Variants in SPTLC2 observed in about 807,000 individuals in gnomAD.
SPTLC2 encodes the protein serine palmitoyltransferase 2.
Under a neutral mutation model 62.0 loss-of-function variants are expected in SPTLC2, and 21 were observed. The observed-to-expected ratio is 0.34, with a 90% CI of 0.24 to 0.49. The LOEUF is 0.49. Ranked by LOEUF, SPTLC2 falls within the 20% of genes least tolerant of loss-of-function variation. The pLI, the probability that SPTLC2 is intolerant of heterozygous loss-of-function variation, is 0.99. For synonymous variants in SPTLC2, 261 were observed against 261.8 expected, an observed-to-expected ratio of 1.00 and a Z score of 0.03; for missense variants, 511 against 713.0, an observed-to-expected ratio of 0.72 and a Z score of 3.23.
chr14:77,546,799 G>C lies in SPTLC2; in HGVS notation c.1303+5297C>G, dbSNP rs115803048. On this transcript the variant is annotated intron_variant, in intron 9 of 11. Coordinates refer to ENST00000216484, the MANE Select transcript of SPTLC2 (RefSeq NM_004863.4). ...TGCCCAGGTTGGAGTGTAATGGCGC[G>C]ATCTCAGCTCACCGCAACCTCCTGT... Among the ~76,000 whole-genome samples the C allele has an allele frequency of 3.8e-4, 57 of 151,776 alleles. 1 individual carries two copies. The highest frequency in any genetic ancestry group is 2.6e-4 in the Admixed American group (4 of 15,244).
chr14:77,523,120 G>A (rs1318159813), intron 9 of SPTLC2, among the ~76,000 whole-genome samples: 2 of 152,208 alleles, frequency 1.3e-5, no homozygotes, highest in Non-Finnish European at 1.5e-5. Context: ...ATTTAAGTAT[G>A]TTGGGAACTG....
intron 9 of SPTLC2, among the ~76,000 whole-genome samples, chr14:77,525,727 G>A (rs552879300): frequency 4.6e-5 from 7 of 152,216 alleles, no homozygotes; most frequent in Admixed American, 2.0e-4. Flanking sequence ...TGGCTAACAC[G>A]GTGAAACCCC....
chr14:77,613,551 G>T (rs973001457), intron 1 of SPTLC2, among the ~76,000 whole-genome samples: 5 of 152,146 alleles, frequency 3.3e-5, no homozygotes, highest in African/African-American at 1.2e-4. Flanking sequence ...CCAAATCCAA[G>T]AGTTGTTCTT....
At chr14:77,595,887 T>C (rs1299650170) in intron 2 of SPTLC2, among the ~76,000 whole-genome samples, 1 of 152,210 alleles carries the variant, frequency 6.6e-6, no homozygotes, top group Non-Finnish European at 1.5e-5. Flanking sequence ...GACAACCTTT[T>C]GCCATGTGGG....
chr14:77,613,774 T>C lies in SPTLC2; in HGVS notation c.132+2674A>G, dbSNP rs905699750. On this transcript the variant is annotated intron_variant, in intron 1 of 11. Coordinates refer to ENST00000216484, the MANE Select transcript of SPTLC2 (RefSeq NM_004863.4). The stretch of plus-strand genomic sequence containing the variant: ...TGTATGCGTATTTTTGATGGCACAG[T>C]TGGCAACATTTCCCCCCCAGAAAGA... Among the ~76,000 whole-genome samples the C allele has an allele frequency of 2.0e-5, 3 of 152,186 alleles. No homozygotes were observed. In the East Asian group the frequency reaches 5.8e-4, roughly 29 times the overall value.
rs777127495 is a variant in SPTLC2, at chr14:77,521,404, A to T, written c.1439+42T>A. 5.0e-6 allele frequency: 8 copies of T among 1,613,724 alleles called. No individual in the cohort carries two copies. The Admixed American group carries it at 8.3e-5, about 17-fold the overall frequency. ...AAGCCCTGGTCTCACATCACAGATA[A>T]GGATAAGGACAGACTGGTCTGTGAT... On this transcript the variant is annotated intron_variant, in intron 10 of 11. Transcript: ENST00000216484.
rs2079558444 is a variant in SPTLC2 at position 77,552,088 on chromosome 14, A to G, written c.1303+8T>C. 1 of 1,613,822 alleles carries G rather than the reference A, an allele frequency of 6.2e-7. No homozygotes were observed. The highest frequency in any genetic ancestry group is 1.3e-5 in the African/African-American group (1 of 74,946). ...CTTATGCAATGTTTCAAGAAAAGAA[A>G]GACTTACCAAGGCTGGTGCCATCCT... On this transcript the variant is annotated splice_region_variant and intron_variant, in intron 9 of 11. Transcript: ENST00000216484.
intron 2 of SPTLC2, among the ~76,000 whole-genome samples, chr14:77,585,854 C>A (rs1188563237): frequency 6.6e-6 from 1 of 152,124 alleles, no homozygotes; most frequent in Non-Finnish European, 1.5e-5. Context: ...CTAGGACATC[C>A]ACTGGCCAAA....
In SPTLC2 at chr14:77,512,255, G is replaced by C; in HGVS notation, c.*29C>G. On this transcript the variant is annotated 3_prime_UTR_variant, in exon 12 of 12. Coordinates refer to ENST00000216484, the MANE Select transcript of SPTLC2 (RefSeq NM_004863.4). Reference sequence around the variant, plus strand: ...GCCACAGGCTGTCCTGGGTGAGGGAGAGTTCCTCTGAGGGAGCACCAAAAA... The same window carrying C: ...GCCACAGGCTGTCCTGGGTGAGGGACAGTTCCTCTGAGGGAGCACCAAAAA... The C allele has an allele frequency of 1.2e-6, 2 of 1,613,042 alleles. No homozygotes were observed. The highest frequency in any genetic ancestry group is 1.7e-6 in the Non-Finnish European group (2 of 1,179,972).
At chr14:77,540,089 G>A (rs1198909283) in intron 9 of SPTLC2, among the ~76,000 whole-genome samples, 12 of 151,884 alleles carry the variant, frequency 7.9e-5, no homozygotes, top group Non-Finnish European at 1.5e-4. Flanking sequence ...CCAGCTACTC[G>A]GGAAGCTGAG....
chr14:77,586,692 T>A (rs185823875), intron 2 of SPTLC2, among the ~76,000 whole-genome samples: 18 of 152,246 alleles, frequency 1.2e-4, no homozygotes, highest in Non-Finnish European at 2.4e-4. Context: ...TACATAAATA[T>A]TTCCTAAAAA....
chr14:77,592,976 G>C (rs1166768678), intron 2 of SPTLC2, among the ~76,000 whole-genome samples: 1 of 151,992 alleles, frequency 6.6e-6, no homozygotes, highest in Non-Finnish European at 1.5e-5. Flanking sequence ...GGTGGTGCAT[G>C]ACTGTAATTC....
rs1041932674 is a variant in SPTLC2 at position 77,588,149 on chromosome 14, C to A, written c.327+9037G>T. On this transcript the variant is annotated intron_variant, in intron 2 of 11. Transcript: ENST00000216484. ...AGACAAGATCTCTCTCTGTTGCCCACGCCAGTCTAAACTCCTAACCTCAAA... is the reference window on the plus strand; with the variant it reads ...AGACAAGATCTCTCTCTGTTGCCCAAGCCAGTCTAAACTCCTAACCTCAAA... Among the ~76,000 whole-genome samples the A allele has an allele frequency of 2.6e-5, 4 of 152,046 alleles. No individual in the cohort carries two copies. In the East Asian group the frequency reaches 5.8e-4, roughly 22 times the overall value.
At chr14:77,525,650 C>T (rs1442615818) in intron 9 of SPTLC2, among the ~76,000 whole-genome samples, 1 of 152,030 alleles carries the variant, frequency 6.6e-6, no homozygotes, top group African/African-American at 2.4e-5. Context: ...GTGGCTCACG[C>T]CTGTAATCCC....
At chr14:77,538,149 C>T (rs1053986145) in intron 9 of SPTLC2, among the ~76,000 whole-genome samples, 2 of 152,182 alleles carry the variant, frequency 1.3e-5, no homozygotes, top group Non-Finnish European at 1.5e-5. Flanking sequence ...ATATTTTACC[C>T]TCTACGATGC....
At chr14:77,581,070 A>ATT (rs1438593240) in intron 2 of SPTLC2, among the ~76,000 whole-genome samples, 2 of 152,334 alleles carry the variant, frequency 1.3e-5, no homozygotes, top group African/African-American at 4.8e-5. Context: ...AAACTCTTGA[A>ATT]TGTAAAGGGT....
At chr14:77,582,177 C>T (rs1235869343) in intron 2 of SPTLC2, among the ~76,000 whole-genome samples, 4 of 151,934 alleles carry the variant, frequency 2.6e-5, no homozygotes, top group Non-Finnish European at 5.9e-5. Flanking sequence ...CTCAGCCTCC[C>T]AAGTAGCTGA....
At chr14:77,546,236 G>C (rs966470871) in intron 9 of SPTLC2, among the ~76,000 whole-genome samples, 1 of 152,214 alleles carries the variant, frequency 6.6e-6, no homozygotes, top group Non-Finnish European at 1.5e-5. Context: ...TTCTCCACCT[G>C]TAAGGTGGTC....
intron 1 of SPTLC2, among the ~76,000 whole-genome samples, chr14:77,610,773 C>T (rs950923684): frequency 6.6e-6 from 1 of 151,340 alleles, no homozygotes; most frequent in African/African-American, 2.4e-5. Flanking sequence ...TGGCTGGGTG[C>T]GGTGGCTCAC....
Sources: allele counts gnomAD v4.1 joint callset (sites outside exome capture counted in the v4.1 genomes callset), GRCh38; gene constraint gnomAD v4.1.1; transcripts MANE v1.5; gene names NCBI Gene and HGNC (gene_info 2026-07-23, HGNC 2026-07-21).